Variants in GPHN observed in about 807,000 individuals in gnomAD.
GPHN encodes gephyrin.
GPHN carries 17 observed loss-of-function variants against 95.5 expected under a neutral mutation model. The ratio of observed to expected loss-of-function variants is 0.18; its 90% CI spans 0.12 to 0.27. GPHN has a LOEUF of 0.27. Among genes scored for constraint, GPHN ranks in the 10% least tolerant of loss-of-function variants. The pLI is 1.00. For missense variants in GPHN, 660 were observed against 978.1 expected (o/e 0.67, Z 4.34); for synonymous variants, 320 against 322.5 (o/e 0.99, Z 0.08).
chr14:66,536,470 T>C (rs2059149533), intron 1 of GPHN, among the ~76,000 whole-genome samples: 1 of 152,226 alleles, frequency 6.6e-6, no homozygotes, highest in Admixed American at 6.5e-5. Context: ...TAATATTCTC[T>C]TTAGAATTTT....
At chr14:66,555,142 T>TCC (rs140045158) in intron 1 of GPHN, among the ~76,000 whole-genome samples, 4,672 of 152,196 alleles carry the variant, frequency 0.031, 243 homozygotes, top group African/African-American at 0.11. Flanking sequence ...AAAAGAAGCG[T>TCC]AAGTACTTAA....
the GPHN span, chr14:67,412,187 C>T: frequency 1.4e-6 from 1 of 692,360 alleles, no homozygotes; most frequent in Non-Finnish European, 2.1e-6. Flanking sequence ...GGCAGGGCGA[C>T]GCCTCCCTGG....
At chr14:67,657,447 T>G in the GPHN span, among the ~76,000 whole-genome samples, 3 of 152,130 alleles carry the variant, frequency 2.0e-5, no homozygotes, top group African/African-American at 7.2e-5. Flanking sequence ...TGCCCTAATT[T>G]TCTAAATCCC....
intron 2 of GPHN, among the ~76,000 whole-genome samples, chr14:66,728,366 T>A (rs1027631968): frequency 3.3e-5 from 5 of 152,170 alleles, no homozygotes; most frequent in African/African-American, 1.2e-4. Flanking sequence ...AGGATCATTG[T>A]CCTCCAGACT....
the GPHN span, among the ~76,000 whole-genome samples, chr14:67,403,028 A>T: frequency 4.6e-4 from 70 of 152,314 alleles, no homozygotes; most frequent in Non-Finnish European, 7.8e-4. Context: ...ACTAATTTAC[A>T]TTCTCACCAA....
chr14:67,323,642 A>C, the GPHN span: 1 of 532,698 alleles, frequency 1.9e-6, no homozygotes, highest in Non-Finnish European at 3.2e-6. Context: ...ATATATCAGT[A>C]TTATTAGGAA....
chr14:67,481,531 A>G, the GPHN span, among the ~76,000 whole-genome samples: 4 of 152,210 alleles, frequency 2.6e-5, no homozygotes, highest in Non-Finnish European at 5.9e-5. Flanking sequence ...AGAGAAAGGA[A>G]TAGGAGACAG....
At chr14:66,674,408 T>G (rs1395056834) in intron 1 of GPHN, among the ~76,000 whole-genome samples, 1 of 152,064 alleles carries the variant, frequency 6.6e-6, no homozygotes, top group Non-Finnish European at 1.5e-5. Flanking sequence ...TTACTCCTAT[T>G]ATCTACCTTT....
chr14:66,636,026 G>C (rs989871567), intron 1 of GPHN, among the ~76,000 whole-genome samples: 1 of 151,964 alleles, frequency 6.6e-6, no homozygotes, highest in Non-Finnish European at 1.5e-5. Context: ...TCAAAGATTT[G>C]TTTAATGTGT....
intron 1 of GPHN, among the ~76,000 whole-genome samples, chr14:66,642,845 T>G (rs1258991720): frequency 6.6e-6 from 1 of 152,038 alleles, no homozygotes; most frequent in African/African-American, 2.4e-5. Context: ...CCATTTTAGG[T>G]ACATCATAGA....
chr14:67,314,904 C>G, the GPHN span, among the ~76,000 whole-genome samples: 863 of 151,822 alleles, frequency 5.7e-3, 9 homozygotes, highest in African/African-American at 0.02. Context: ...TAGCCTGGGC[C>G]ACATAGTGGC....
At chr14:66,996,295 C>T (rs7142068) in intron 9 of GPHN, 136,145 of 980,172 alleles carry the variant, frequency 0.14, 22,473 homozygotes, top group African/African-American at 0.59. Flanking sequence ...ATTTTCCTTT[C>T]GCCTTAATTT....
chr14:67,248,189 A>C, the GPHN span, among the ~76,000 whole-genome samples: 1 of 152,166 alleles, frequency 6.6e-6, no homozygotes. Context: ...TTAAACAAAA[A>C]TCATTTTGGA....
At chr14:67,190,688 G>A in the GPHN span, among the ~76,000 whole-genome samples, 1 of 152,230 alleles carries the variant, frequency 6.6e-6, no homozygotes, top group Non-Finnish European at 1.5e-5. Flanking sequence ...AAGCTGAAAG[G>A]TTGGGCATGG....
the GPHN span, among the ~76,000 whole-genome samples, chr14:67,250,842 A>G: frequency 1.3e-5 from 2 of 152,236 alleles, no homozygotes; most frequent in African/African-American, 2.4e-5. Flanking sequence ...CTTAAAATTT[A>G]TAGCAAGATT....
intron 1 of GPHN, among the ~76,000 whole-genome samples, chr14:66,629,364 G>A (rs1294538383): frequency 1.3e-5 from 2 of 151,186 alleles, no homozygotes; most frequent in South Asian, 4.2e-4. Context: ...GCCTACACAG[G>A]GTCAGGATCA....
chr14:67,169,172 T>C (rs2082450683), intron 21 of GPHN, 136 bp downstream of exon 21: 2 of 688,810 alleles, frequency 2.9e-6, no homozygotes, highest in Non-Finnish European at 5.2e-6. Context: ...TCTCCCCCTG[T>C]GTACTAGAAA....
chr14:66,848,720 CAG>C (rs2062444906), intron 4 of GPHN, among the ~76,000 whole-genome samples: 1 of 151,566 alleles, frequency 6.6e-6, no homozygotes. Flanking sequence ...TTTTTAATAA[CAG>C]AGTTTTAAAA....
At chr14:67,261,952 A>C in the GPHN span, among the ~76,000 whole-genome samples, 1 of 152,154 alleles carries the variant, frequency 6.6e-6, no homozygotes, top group African/African-American at 2.4e-5. Context: ...CAAAAAAAGG[A>C]TGGGATTTTG....
Sources: gnomAD v4.1 joint callset for allele counts (sites outside exome capture counted in the v4.1 genomes callset) on GRCh38, gnomAD v4.1.1 for gene constraint, MANE v1.5 for transcripts, NCBI Gene and HGNC (gene_info 2026-07-23, HGNC 2026-07-21) for gene names.